The following BCO1 variants were observed in gnomAD, a reference collection of about 807,000 sequenced individuals.
BCO1 encodes the protein beta-carotene oxygenase 1, also known as beta,beta-carotene 15,15'-dioxygenase.
BCO1 carries 54 observed loss-of-function variants against 56.3 expected under a neutral mutation model. The ratio of observed to expected loss-of-function variants is 0.96; its 90% CI spans 0.77 to 1.20. The LOEUF is 1.20. Among genes scored for constraint, BCO1 ranks in the 50% most tolerant of loss-of-function variants. The probability of loss-of-function intolerance (pLI) is 0.00; values close to 1 mark genes in which losing one functional copy is unlikely to be tolerated. For missense variants in BCO1, 801 were observed against 690.9 expected (o/e 1.16, Z -1.79); for synonymous variants, 318 against 266.1 (o/e 1.20, Z -1.90).
intron 2 of BCO1, among the ~76,000 whole-genome samples, chr16:81,254,492 G>A (rs1456161736): frequency 6.6e-5 from 10 of 151,052 alleles, no homozygotes; most frequent in African/African-American, 2.4e-4. Context: ...ACATTGCCCA[G>A]GCTGATCTCG....
At chr16:81,260,893 G>C (rs905145901) in intron 3 of BCO1, among the ~76,000 whole-genome samples, 4 of 152,174 alleles carry the variant, frequency 2.6e-5, no homozygotes, top group African/African-American at 9.7e-5. Flanking sequence ...CAGGGAATCA[G>C]GCCTGCCATC....
In BCO1 at chr16:81,259,596, A is replaced by G. The variant is rs183459637; in HGVS notation, c.194-80A>G. On this transcript the variant is annotated intron_variant, in intron 2 of 10. Transcript: ENST00000258168. ...AAATAACCACCTTCTTCTCCCAGTA[A>G]AACCCATACAAGGACTGACATTGAT... 236 of 1,589,446 alleles carry G rather than the reference A, an allele frequency of 1.5e-4. 1 individual carries two copies. The highest frequency in any genetic ancestry group is 2.4e-4 in the African/African-American group (18 of 74,644).
chr16:81,287,990 C>T (rs1277595617), intron 10 of BCO1, among the ~76,000 whole-genome samples: 2 of 152,070 alleles, frequency 1.3e-5, no homozygotes, highest in Non-Finnish European at 1.5e-5. Context: ...CAAGTTCATA[C>T]CACACGGCAC....
chr16:81,286,852 G>A (rs1482994677), intron 9 of BCO1, among the ~76,000 whole-genome samples: 3 of 151,312 alleles, frequency 2.0e-5, no homozygotes, highest in Non-Finnish European at 2.9e-5. Flanking sequence ...TGAGGTGGGC[G>A]GATCACCTGA....
Position 81,280,933 on chromosome 16 carries a change from T to G in BCO1, c.1178T>G (p.Val393Gly), listed in dbSNP as rs1347211910. 6.2e-7 allele frequency: 1 copy of G among 1,614,010 alleles called. No homozygotes were observed. Among genetic ancestry groups the G allele is most frequent in the African/African-American group, 1.3e-5 (1 of 75,046 alleles). Residue 393 changes from valine (V) to glycine (G), a missense_variant, in exon 8 of 11, where the codon GTC becomes GGC. Transcript: ENST00000258168. ...GCCCTGAAGGAAGAAGATGGCCAAGTCTACTGCCAGCCGGAATTTCTTTAT... is the reference window on the plus strand; with the variant it reads ...GCCCTGAAGGAAGAAGATGGCCAAGGCTACTGCCAGCCGGAATTTCTTTAT... ...ATALKEEDGQ[V>G]YCQPEFLYEG... is the part of the protein sequence containing the mutation.
chr16:81,245,370 A>T, intron 1 of BCO1, 105 bp from the exon 2 acceptor site: 1 of 1,504,254 alleles, frequency 6.6e-7, no homozygotes. Context: ...AGATGCAAGG[A>T]GTGGTACTGG....
intron 2 of BCO1, among the ~76,000 whole-genome samples, chr16:81,250,915 G>C (rs769286580): frequency 3.9e-5 from 6 of 152,154 alleles, no homozygotes; most frequent in Non-Finnish European, 8.8e-5. Context: ...AAGCTGCACA[G>C]GGCTTGAGTG....
chr16:81,290,444 CT>C lies in BCO1; in HGVS notation c.1512del (p.Val505LeufsTer42), dbSNP rs1212901080. On this transcript the variant is annotated frameshift_variant, in exon 11 of 11. Coordinates refer to ENST00000258168, the MANE Select transcript of BCO1 (RefSeq NM_017429.3). LOFTEE classifies it low-confidence loss of function (END_TRUNC). ...AGCTTTACGGAATTGGCCCGTGCCT[CT>C]GTTGATGTCGATATGCACATGGATC... ...AKSFTELARA[S>X]VDVDMHMDLH... The C allele has an allele frequency of 1.9e-6, 3 of 1,614,206 alleles. No homozygotes were observed. The highest frequency in any genetic ancestry group is 2.5e-6 in the Non-Finnish European group (3 of 1,180,050).
intron 2 of BCO1, 71 bp downstream of exon 2, chr16:81,245,674 C>G (rs1905363492): frequency 6.3e-7 from 1 of 1,592,444 alleles, no homozygotes; most frequent in Non-Finnish European, 8.6e-7. Flanking sequence ...TAAAACAGCA[C>G]AAATTTATTC....
chr16:81,254,556 C>A (rs1189893277), intron 2 of BCO1, among the ~76,000 whole-genome samples: 4 of 151,726 alleles, frequency 2.6e-5, no homozygotes, highest in Non-Finnish European at 5.9e-5. Context: ...AGCCACCACG[C>A]CTCCCCTCAA....
intron 9 of BCO1, among the ~76,000 whole-genome samples, chr16:81,286,076 CAG>C (rs952578885): frequency 1.3e-5 from 2 of 151,680 alleles, no homozygotes; most frequent in African/African-American, 4.9e-5. Context: ...CAGAAAGAGA[CAG>C]AGTCTCATTG....
At chr16:81,264,491 G>A (rs1476157764) in intron 4 of BCO1, 149 bp from the exon 5 acceptor site, 4 of 956,718 alleles carry the variant, frequency 4.2e-6, no homozygotes, top group Non-Finnish European at 6.6e-6. Context: ...TCAACAGAGT[G>A]CAAAAATATC....
chr16:81,243,825 G>T (rs543460594), intron 1 of BCO1, among the ~76,000 whole-genome samples: 16 of 152,156 alleles, frequency 1.1e-4, no homozygotes, highest in Non-Finnish European at 2.2e-4. Flanking sequence ...AAGGCTAAGT[G>T]GTTTATTTGG....
intron 6 of BCO1, among the ~76,000 whole-genome samples, chr16:81,269,693 T>G (rs1907065441): frequency 6.6e-6 from 1 of 152,182 alleles, no homozygotes; most frequent in South Asian, 2.1e-4. Flanking sequence ...AGTCTTGAAC[T>G]CCTGACCTCA....
rs866473505 is a variant in BCO1, at chr16:81,274,486, G to A, written c.1101+4070G>A. ...TCACCGTATTAGCCAGGATGGTCTCGATCTTCTGACCTCGTGATCCGCCTG... is the reference window on the plus strand; with the variant it reads ...TCACCGTATTAGCCAGGATGGTCTCAATCTTCTGACCTCGTGATCCGCCTG... On this transcript the variant is annotated intron_variant, in intron 7 of 10. Coordinates refer to ENST00000258168, the MANE Select transcript of BCO1 (RefSeq NM_017429.3). Among the ~76,000 whole-genome samples, 493 of 152,112 alleles carry A rather than the reference G, an allele frequency of 3.2e-3. 2 individuals carry two copies. The highest frequency in any genetic ancestry group is 0.011 in the African/African-American group (465 of 41,546).
chr16:81,286,775 T>C (rs1447165068), intron 9 of BCO1, among the ~76,000 whole-genome samples: 1 of 152,058 alleles, frequency 6.6e-6, no homozygotes, highest in African/African-American at 2.4e-5. Flanking sequence ...AGAGGACCCA[T>C]GTTTAAAACT....
chr16:81,276,972 C>CA (rs2150634254), intron 7 of BCO1, among the ~76,000 whole-genome samples: 1 of 145,724 alleles, frequency 6.9e-6, no homozygotes, highest in African/African-American at 2.6e-5. Flanking sequence ...GAAGCTGAGG[C>CA]AGGGGAACTG....
chr16:81,252,266 GT>G, intron 2 of BCO1, among the ~76,000 whole-genome samples: 1 of 150,776 alleles, frequency 6.6e-6, no homozygotes, highest in Admixed American at 6.6e-5. Context: ...GTTTTGTTTT[GT>G]TTTGTTTTTT....
intron 8 of BCO1, among the ~76,000 whole-genome samples, chr16:81,283,232 G>GTGAT (rs1337764070): frequency 6.6e-6 from 1 of 152,064 alleles, no homozygotes. Context: ...ACCGGGCATG[G>GTGAT]TGATTCACAC....
Sources: gnomAD v4.1 joint callset for allele counts (sites outside exome capture counted in the v4.1 genomes callset) on GRCh38, gnomAD v4.1.1 for gene constraint, MANE v1.5 for transcripts, NCBI Gene and HGNC (gene_info 2026-07-23, HGNC 2026-07-21) for gene names.